Variants in SYK observed in about 807,000 individuals in gnomAD.
SYK encodes the protein tyrosine-protein kinase SYK.
In SYK, 16 loss-of-function variants were observed where a neutral mutation model predicts 77.8. That is an observed-to-expected ratio of 0.21 (90% CI 0.14 to 0.31). SYK has a LOEUF of 0.31. Among genes scored for constraint, SYK ranks in the 10% least tolerant of loss-of-function variants. The probability of loss-of-function intolerance (pLI) is 1.00; values close to 1 mark genes in which losing one functional copy is unlikely to be tolerated. For missense variants in SYK, 529 were observed against 814.4 expected (o/e 0.65, Z 4.26); for synonymous variants, 312 against 308.7 (o/e 1.01, Z -0.11).
intron 3 of SYK, among the ~76,000 whole-genome samples, chr9:90,851,679 C>T (rs75814012): frequency 0.015 from 2,313 of 152,200 alleles, 61 homozygotes; most frequent in African/African-American, 0.053. Flanking sequence ...CCCCTGCCCC[C>T]AGAGGCCTTG....
intron 9 of SYK, among the ~76,000 whole-genome samples, chr9:90,876,740 T>A (rs1454289660): frequency 2.6e-5 from 4 of 152,238 alleles, no homozygotes; most frequent in Non-Finnish European, 2.9e-5. Flanking sequence ...TTTCAATCTA[T>A]AAACACAGCC....
intron 1 of SYK, among the ~76,000 whole-genome samples, chr9:90,829,613 C>T (rs998331481): frequency 5.9e-5 from 9 of 152,184 alleles, no homozygotes; most frequent in South Asian, 4.1e-4. Flanking sequence ...CTCTTACTTT[C>T]GTGAGCCATT....
intron 3 of SYK, among the ~76,000 whole-genome samples, chr9:90,849,126 G>C (rs956245102): frequency 6.6e-6 from 1 of 152,212 alleles, no homozygotes. Flanking sequence ...AGTTGGGGGG[G>C]CTGTCTTTAG....
chr9:90,850,448 G>A (rs147935252), intron 3 of SYK, among the ~76,000 whole-genome samples: 3,802 of 152,154 alleles, frequency 0.025, 164 homozygotes, highest in East Asian at 0.22. Flanking sequence ...CCCAGGAGGC[G>A]GAGGTTGCAG....
chr9:90,896,351 A>G lies in SYK; in HGVS notation c.*751A>G, dbSNP rs999504695. On this transcript the variant is annotated 3_prime_UTR_variant, in exon 14 of 14. Coordinates refer to ENST00000375754, the MANE Select transcript of SYK (RefSeq NM_003177.7). Reference sequence around the variant, plus strand: ...CTCTCTCCTGCAGACTGTCTTGAAGACCTGGTGACTGGTAAATAAAGCCCT... The same window carrying G: ...CTCTCTCCTGCAGACTGTCTTGAAGGCCTGGTGACTGGTAAATAAAGCCCT... 1 of 233,252 alleles carries G rather than the reference A, an allele frequency of 4.3e-6. No homozygotes were observed. Among genetic ancestry groups the G allele is most frequent in the African/African-American group, 2.2e-5 (1 of 45,460 alleles). 14.4% of individuals were successfully genotyped at this position (233,252 alleles called of 1,614,324 possible).
rs926655234 is a variant in SYK at position 90,895,198 on chromosome 9, A to G, written c.1836-330A>G. 2.6e-5 allele frequency among the ~76,000 whole-genome samples: 4 copies of G among 152,228 alleles called. No individual in the cohort carries two copies. The highest frequency in any genetic ancestry group is 9.6e-5 in the African/African-American group (4 of 41,458). ...TTCGTGTTGCCTGTGGCACAGAAGC[A>G]TATTGTGTGCCGCATATCTGAACCT... On this transcript the variant is annotated intron_variant, in intron 13 of 13. Coordinates refer to ENST00000375754, the MANE Select transcript of SYK (RefSeq NM_003177.7). This position sits in a 1 kb window ranked among gnomAD's most constrained non-coding sequence, Gnocchi z 4.4.
At chr9:90,830,258 C>T (rs1210895415) in intron 1 of SYK, among the ~76,000 whole-genome samples, 12 of 152,202 alleles carry the variant, frequency 7.9e-5, no homozygotes, top group Admixed American at 6.5e-5. Context: ...AGGATGGCGC[C>T]GTGGAGGGCA....
At chr9:90,845,391 T>C (rs1482115342) in intron 2 of SYK, 43 bp from the exon 3 acceptor site, 1 of 1,567,792 alleles carries the variant, frequency 6.4e-7, no homozygotes, top group Non-Finnish European at 8.6e-7. Context: ...CATTTTCATT[T>C]TTCCTCGGTA....
At chr9:90,817,244 T>C (rs1030375307) in intron 1 of SYK, among the ~76,000 whole-genome samples, 3 of 152,200 alleles carry the variant, frequency 2.0e-5, no homozygotes, top group Non-Finnish European at 4.4e-5. Context: ...TTAACCCCTG[T>C]AGACAAGACT....
intron 3 of SYK, among the ~76,000 whole-genome samples, chr9:90,858,762 C>T (rs928019750): frequency 1.3e-5 from 2 of 152,254 alleles, no homozygotes; most frequent in Non-Finnish European, 2.9e-5. Flanking sequence ...TGGTCTTTGC[C>T]ACCTACAGAT....
At chr9:90,864,807 C>A in intron 5 of SYK, 140 bp downstream of exon 5, 1 of 765,078 alleles carries the variant, frequency 1.3e-6, no homozygotes, top group South Asian at 1.7e-5. Context: ...CAGAGCACTC[C>A]GATTTTGTAT....
chr9:90,865,397 T>C (rs1827445359), intron 6 of SYK, among the ~76,000 whole-genome samples: 1 of 152,002 alleles, frequency 6.6e-6, no homozygotes, highest in Non-Finnish European at 1.5e-5. Flanking sequence ...AACCTCTGCC[T>C]CCCAGCTTCA....
At chr9:90,841,111 T>G (rs1349433915) in intron 1 of SYK, among the ~76,000 whole-genome samples, 6 of 151,588 alleles carry the variant, frequency 4.0e-5, no homozygotes, top group Admixed American at 3.3e-4. Context: ...TTGTGTGTGG[T>G]GTGTGTGCAG....
intron 7 of SYK, among the ~76,000 whole-genome samples, chr9:90,872,778 A>T (rs1454525242): frequency 6.6e-6 from 1 of 152,244 alleles, no homozygotes; most frequent in Non-Finnish European, 1.5e-5. Flanking sequence ...CCATCCATTC[A>T]TTCATGTGTT....
chr9:90,844,380 G>A (rs986133570), intron 2 of SYK, 65 bp downstream of exon 2: 3 of 1,458,824 alleles, frequency 2.1e-6, no homozygotes. Flanking sequence ...AGACTTCCTG[G>A]CTACATGCAA....
At chr9:90,873,498 C>T (rs1827810648) in intron 7 of SYK, among the ~76,000 whole-genome samples, 1 of 152,112 alleles carries the variant, frequency 6.6e-6, no homozygotes, top group Non-Finnish European at 1.5e-5. Flanking sequence ...AGATTTCCCC[C>T]CCCAGTTGTT....
chr9:90,821,021 CTCTTTGCTAAAACA>C (rs1825493251), intron 1 of SYK, among the ~76,000 whole-genome samples: 1 of 152,186 alleles, frequency 6.6e-6, no homozygotes, highest in Non-Finnish European at 1.5e-5. Context: ...TGCTACCAAT[CTCTTTGCTAAAACA>C]TAACAAGAGT....
chr9:90,803,886 A>G (rs1360198308), intron 1 of SYK, among the ~76,000 whole-genome samples: 1 of 152,166 alleles, frequency 6.6e-6, no homozygotes, highest in South Asian at 2.1e-4. Context: ...AATTCCATGC[A>G]TTAATATTTC....
In SYK at chr9:90,878,869, T is replaced by C. The variant is rs2306042; in HGVS notation, c.1497T>C (p.Asn499=). Residue 499 remains asparagine, a synonymous_variant, in exon 11 of 14, where the codon AAT becomes AAC. Coordinates refer to ENST00000375754, the MANE Select transcript of SYK (RefSeq NM_003177.7). ...TGCACAGAGATCTGGCTGCAAGAAA[T>C]GTGTTGCTAGTTACCCAACATTACG... is the stretch of plus-strand genomic sequence containing the variant. ...NFVHRDLAAR[N]VLLVTQHYAK... 38,703 of 1,614,136 alleles carry C rather than the reference T, an allele frequency of 0.024. 1,590 individuals carry two copies. The highest frequency in any genetic ancestry group is 0.2 in the East Asian group (8,830 of 44,874).
Sources: gnomAD v4.1 joint callset for allele counts (sites outside exome capture counted in the v4.1 genomes callset) on GRCh38, gnomAD v4.1.1 for gene constraint, Gnocchi (gnomAD v3.1) non-coding constraint, MANE v1.5 for transcripts, NCBI Gene and HGNC (gene_info 2026-07-23, HGNC 2026-07-21) for gene names.